The following TOM1L2 variants were observed in gnomAD, a reference collection of about 807,000 sequenced individuals.
TOM1L2 encodes TOM1-like protein 2.
In TOM1L2, 31 loss-of-function variants were observed where a neutral mutation model predicts 67.9. The ratio of observed to expected loss-of-function variants is 0.46; its 90% confidence interval spans 0.34 to 0.62. TOM1L2 has a LOEUF of 0.62. Ranked by LOEUF, TOM1L2 falls within the 20% of genes least tolerant of loss-of-function variation. The pLI, the probability that TOM1L2 is intolerant of heterozygous loss-of-function variation, is 0.01. For synonymous variants in TOM1L2, 256 were observed against 254.0 expected (o/e 1.01, Z -0.07); for missense variants, 606 against 663.5 (o/e 0.91, Z 0.95).
At chr17:17,888,959 G>T (rs1377204522) in intron 4 of TOM1L2, among the ~76,000 whole-genome samples, 2 of 152,232 alleles carry the variant, frequency 1.3e-5, no homozygotes, top group Non-Finnish European at 2.9e-5. Context: ...GGAAGTCTTT[G>T]GTGCCCCTGG....
intron 12 of TOM1L2, among the ~76,000 whole-genome samples, chr17:17,855,982 GCAGT>G (rs2036233662): frequency 6.6e-6 from 1 of 151,356 alleles, no homozygotes; most frequent in Non-Finnish European, 1.5e-5. Context: ...AAAACAAACT[GCAGT>G]CAGTCAGGCA....
At chr17:17,952,908 C>T (rs2041271481) in intron 1 of TOM1L2, among the ~76,000 whole-genome samples, 1 of 152,140 alleles carries the variant, frequency 6.6e-6, no homozygotes, top group African/African-American at 2.4e-5. Context: ...TCCTCCTCCG[C>T]TGCCCTGACA....
At chr17:17,856,673 CT>C (rs2036268839) in intron 12 of TOM1L2, among the ~76,000 whole-genome samples, 1 of 152,268 alleles carries the variant, frequency 6.6e-6, no homozygotes, top group South Asian at 2.1e-4. Context: ...GTTTGCACTG[CT>C]TTCATCATCT....
intron 1 of TOM1L2, among the ~76,000 whole-genome samples, chr17:17,946,292 A>G (rs1334413658): frequency 6.6e-6 from 1 of 152,148 alleles, no homozygotes; most frequent in African/African-American, 2.4e-5. Context: ...GAGTTGTGCA[A>G]CCATCACCAC....
chr17:17,882,554 C>T, intron 6 of TOM1L2, 151 bp downstream of exon 6: 3 of 1,079,842 alleles, frequency 2.8e-6, no homozygotes, highest in Non-Finnish European at 3.9e-6. Flanking sequence ...ACTTCCTCAG[C>T]ATCTCTCTCC....
intron 1 of TOM1L2, among the ~76,000 whole-genome samples, chr17:17,922,144 C>T (rs1238255743): frequency 1.3e-5 from 2 of 152,186 alleles, no homozygotes; most frequent in Admixed American, 6.5e-5. Flanking sequence ...GAAAGACCTG[C>T]AGCCAGCCAT....
intron 13 of TOM1L2, among the ~76,000 whole-genome samples, chr17:17,849,525 G>A (rs1194398153): frequency 6.6e-6 from 1 of 152,240 alleles, no homozygotes; most frequent in Non-Finnish European, 1.5e-5. Context: ...GAGCCATGGA[G>A]GCTCTGTGCA....
At chr17:17,889,003 G>C (rs2038133538) in intron 4 of TOM1L2, among the ~76,000 whole-genome samples, 1 of 152,220 alleles carries the variant, frequency 6.6e-6, no homozygotes, top group African/African-American at 2.4e-5. Context: ...CTACCAACCA[G>C]GCTGCACCAC....
chr17:17,962,561 G>A (rs1164091791), intron 1 of TOM1L2, among the ~76,000 whole-genome samples: 3 of 151,880 alleles, frequency 2.0e-5, no homozygotes, highest in African/African-American at 4.8e-5. Flanking sequence ...CAATCCACCC[G>A]CCTCGGCCTC....
At chr17:17,921,087 C>T (rs1568281143) in intron 1 of TOM1L2, among the ~76,000 whole-genome samples, 1 of 152,218 alleles carries the variant, frequency 6.6e-6, no homozygotes, top group Non-Finnish European at 1.5e-5. Context: ...GAATACCACA[C>T]TGCATTTTGT....
intron 12 of TOM1L2, among the ~76,000 whole-genome samples, chr17:17,853,915 T>A (rs1004113792): frequency 1.3e-5 from 2 of 152,256 alleles, no homozygotes; most frequent in Non-Finnish European, 2.9e-5. Flanking sequence ...TGGCTTTCAA[T>A]TCTTATGACT....
intron 1 of TOM1L2, among the ~76,000 whole-genome samples, chr17:17,910,518 G>A (rs1568243555): frequency 6.6e-6 from 1 of 152,094 alleles, no homozygotes. Flanking sequence ...ATGCCCCAGA[G>A]GTTCTACTTT....
chr17:17,848,668 T>G (rs1169303878), intron 14 of TOM1L2, among the ~76,000 whole-genome samples, 155 bp downstream of exon 14: 1 of 152,256 alleles, frequency 6.6e-6, no homozygotes, highest in Non-Finnish European at 1.5e-5. Flanking sequence ...GCGTAAGACC[T>G]GGGTGGGACA....
rs975052086 is a variant in TOM1L2 at position 17,871,253 on chromosome 17, C to T, written c.778-1780G>A. On this transcript the variant is annotated intron_variant, in intron 7 of 14. Transcript: ENST00000379504. ...GGCGTTGGTGGCGGGCACCTGTAGT[C>T]CCAGCTACTTGGGAGACTGAGGCAG... Among the ~76,000 whole-genome samples the T allele has an allele frequency of 2.0e-5, 3 of 152,250 alleles. No homozygotes were observed. In the East Asian group the frequency reaches 5.8e-4, roughly 29 times the overall value.
chr17:17,883,559 C>G (rs906850389), intron 5 of TOM1L2, among the ~76,000 whole-genome samples: 1 of 152,126 alleles, frequency 6.6e-6, no homozygotes, highest in African/African-American at 2.4e-5. Flanking sequence ...ACAATGAAAC[C>G]CTGTCTCTAC....
chr17:17,967,714 T>C (rs1160372917), intron 1 of TOM1L2, among the ~76,000 whole-genome samples: 2 of 152,200 alleles, frequency 1.3e-5, no homozygotes, highest in Non-Finnish European at 2.9e-5. Flanking sequence ...TTCAAGGGAT[T>C]CTTCCGCCTC....
intron 1 of TOM1L2, among the ~76,000 whole-genome samples, chr17:17,936,453 A>G (rs148953641): frequency 2.6e-3 from 395 of 152,362 alleles, no homozygotes; most frequent in African/African-American, 8.9e-3. Flanking sequence ...CTTAAAAACA[A>G]GCATACCCTT....
chr17:17,886,443 G>A (rs1261738618), intron 4 of TOM1L2, among the ~76,000 whole-genome samples: 1 of 152,258 alleles, frequency 6.6e-6, no homozygotes, highest in Non-Finnish European at 1.5e-5. Context: ...TAGGTTGCCC[G>A]TAGGGAGTGC....
chr17:17,894,971 A>G (rs11651831), intron 3 of TOM1L2, among the ~76,000 whole-genome samples: 2,313 of 65,742 alleles, frequency 0.035, 36 homozygotes, highest in African/African-American at 0.052. Context: ...ATACATACAT[A>G]CATACATGCA....
Sources: gnomAD v4.1 joint callset for allele counts (sites outside exome capture counted in the v4.1 genomes callset) on GRCh38, gnomAD v4.1.1 for gene constraint, MANE v1.5 for transcripts, NCBI Gene and HGNC (gene_info 2026-07-23, HGNC 2026-07-21) for gene names.